Variants in SUSD1 observed in about 807,000 individuals in gnomAD.
SUSD1 encodes the protein sushi domain-containing protein 1.
Under a neutral mutation model 86.9 loss-of-function variants are expected in SUSD1, and 65 were observed. The ratio of observed to expected loss-of-function variants is 0.75; its 90% CI spans 0.61 to 0.92. The LOEUF (loss-of-function observed/expected upper bound fraction) is 0.92, where lower values mean the gene tolerates loss of function less well. SUSD1 is among the 40% of genes least tolerant of loss of function. SUSD1 has a pLI of 0.00. For synonymous variants in SUSD1, 346 were observed against 350.0 expected, an observed-to-expected ratio of 0.99 and a Z score of 0.13; for missense variants, 850 against 929.7, an observed-to-expected ratio of 0.91 and a Z score of 1.11.
chr9:112,173,769 C>T (rs150440533), intron 1 of SUSD1: 9 of 334,622 alleles, frequency 2.7e-5, no homozygotes, highest in East Asian at 7.5e-5. Context: ...GGCCTCAGCA[C>T]GTGCACTCAT....
intron 8 of SUSD1, among the ~76,000 whole-genome samples, chr9:112,110,884 C>T (rs1279933392): frequency 2.0e-5 from 3 of 152,168 alleles, no homozygotes; most frequent in Non-Finnish European, 2.9e-5. Flanking sequence ...CTAGGGGTGC[C>T]CCTGCTTCCA....
chr9:112,126,965 A>C (rs1227093544), intron 5 of SUSD1, among the ~76,000 whole-genome samples: 3 of 152,204 alleles, frequency 2.0e-5, no homozygotes, highest in Non-Finnish European at 2.9e-5. Flanking sequence ...CCCACTGTAC[A>C]GGCAAAGACT....
chr9:112,048,493 A>T (rs547102812), intron 15 of SUSD1, among the ~76,000 whole-genome samples: 2 of 152,254 alleles, frequency 1.3e-5, no homozygotes, highest in African/African-American at 4.8e-5. Flanking sequence ...TAAGTATTGC[A>T]CCTCCTATGC....
chr9:112,163,448 T>C (rs1026031911), intron 1 of SUSD1, among the ~76,000 whole-genome samples: 1 of 151,084 alleles, frequency 6.6e-6, no homozygotes, highest in Non-Finnish European at 1.5e-5. Flanking sequence ...CTGATCAACA[T>C]AGCAAGACCT....
At position 112,096,499 on chromosome 9, in the gene SUSD1, C is replaced by CT. The variant is rs370423918; in HGVS notation, c.1474+1970dup. Among the ~76,000 whole-genome samples the CT allele has an allele frequency of 6.1e-3, 931 of 152,242 alleles. 11 individuals are homozygous for CT. The highest frequency in any genetic ancestry group is 0.022 in the African/African-American group (898 of 41,530). On this transcript the variant is annotated intron_variant, in intron 10 of 16. Transcript: ENST00000374270. The stretch of plus-strand genomic sequence containing the variant: ...ATAGAAAAAACTGGGGACTTCATGC[C>CT]TTTACATTTTAGTTTATTTTACAAG...
chr9:112,118,508 G>A (rs186337269), intron 6 of SUSD1, among the ~76,000 whole-genome samples: 4 of 152,140 alleles, frequency 2.6e-5, no homozygotes, highest in Non-Finnish European at 2.9e-5. Context: ...TTTTGGAGAC[G>A]GAGTCTTGCG....
chr9:112,156,924 G>A (rs1380669795), intron 2 of SUSD1, among the ~76,000 whole-genome samples: 1 of 152,152 alleles, frequency 6.6e-6, no homozygotes, highest in African/African-American at 2.4e-5. Flanking sequence ...CCTGGATATT[G>A]TCTGACTGTC....
chr9:112,068,163 G>A (rs980211795), intron 12 of SUSD1, among the ~76,000 whole-genome samples: 7 of 152,152 alleles, frequency 4.6e-5, no homozygotes, highest in Non-Finnish European at 8.8e-5. Flanking sequence ...CCAGAGCTGT[G>A]ATGGAGTTAT....
intron 8 of SUSD1, among the ~76,000 whole-genome samples, chr9:112,110,625 C>T (rs1334646154): frequency 6.6e-6 from 1 of 151,474 alleles, no homozygotes; most frequent in African/African-American, 2.4e-5. Context: ...AAACTCCTGG[C>T]CTCAAGCAAT....
intron 10 of SUSD1, among the ~76,000 whole-genome samples, chr9:112,089,811 C>CAAAA (rs3983407): frequency 7.8e-5 from 9 of 115,932 alleles, no homozygotes; most frequent in Non-Finnish European, 1.3e-4. Context: ...GATTCCATCT[C>CAAAA]AAAAAAAAAA....
At chr9:112,150,654 G>A (rs1833006804) in intron 2 of SUSD1, among the ~76,000 whole-genome samples, 1 of 152,140 alleles carries the variant, frequency 6.6e-6, no homozygotes. Context: ...TACACACTTA[G>A]GTTATATGGT....
chr9:112,084,260 G>T (rs1481371300), intron 10 of SUSD1, among the ~76,000 whole-genome samples: 1 of 152,082 alleles, frequency 6.6e-6, no homozygotes, highest in Non-Finnish European at 1.5e-5. Context: ...ACCTTCTATA[G>T]ATAATAAGTT....
chr9:112,068,999 A>G (rs1829123454), intron 12 of SUSD1, among the ~76,000 whole-genome samples: 1 of 152,246 alleles, frequency 6.6e-6, no homozygotes, highest in South Asian at 2.1e-4. Flanking sequence ...GTTGAAGTGT[A>G]TAAGGAATCC....
intron 12 of SUSD1, among the ~76,000 whole-genome samples, chr9:112,064,655 C>T (rs1042497606): frequency 6.6e-6 from 1 of 151,428 alleles, no homozygotes; most frequent in Non-Finnish European, 1.5e-5. Flanking sequence ...GCAGGCGGAT[C>T]ACCGGAGGCC....
chr9:112,084,345 G>C (rs1417387115), intron 10 of SUSD1, among the ~76,000 whole-genome samples: 3 of 151,872 alleles, frequency 2.0e-5, no homozygotes, highest in African/African-American at 7.3e-5. Context: ...TACATGAATT[G>C]GTATGGAAGT....
rs11354546 is a variant in SUSD1 at position 112,161,820 on chromosome 9, C to CAA, written c.104-4209_104-4208dup. 3.9e-4 allele frequency among the ~76,000 whole-genome samples: 47 copies of CAA among 119,562 alleles called. 1 individual carries two copies. The highest frequency in any genetic ancestry group is 1.3e-3 in the African/African-American group (43 of 32,690). 78.4% of individuals were successfully genotyped at this position (119,562 alleles called of 152,430 possible). A position where few individuals can be genotyped will look rare whatever the true frequency, so the allele number is the denominator to read the frequency against. On this transcript the variant is annotated intron_variant, in intron 1 of 16. Transcript: ENST00000374270. ...CTGCGTGACAGAGCAAGACTCCATC[C>CAA]AAAAAAAAAAAAAAAAAAATGCAAT...
chr9:112,050,695 G>T (rs1402008147), intron 15 of SUSD1, among the ~76,000 whole-genome samples: 2 of 152,154 alleles, frequency 1.3e-5, no homozygotes, highest in African/African-American at 4.8e-5. Flanking sequence ...ACACGGAAAA[G>T]GTCCAGATTC....
chr9:112,096,486 G>A (rs1178526302), intron 10 of SUSD1, among the ~76,000 whole-genome samples: 2 of 152,104 alleles, frequency 1.3e-5, no homozygotes, highest in Non-Finnish European at 2.9e-5. Context: ...AGAAAAAACT[G>A]GGGACTTCAT....
rs760395542 is a variant in SUSD1 at position 112,143,573 on chromosome 9, C to T, written c.424G>A (p.Val142Met). 1.3e-4 allele frequency: 212 copies of T among 1,613,852 alleles called. No homozygotes were observed. Among genetic ancestry groups the T allele is most frequent in the Admixed American group, 6.5e-4 (39 of 59,980 alleles). Residue 142 changes from valine (V) to methionine (M), a missense_variant, in exon 4 of 17, where the codon GTG (valine) becomes ATG (methionine). Coordinates refer to ENST00000374270, the MANE Select transcript of SUSD1 (RefSeq NM_022486.5). ...CATTCAAAGCTCCCATGAGTGTTCACGCATCGCCCTCCATGCCTGCACAGG... is the reference window on the plus strand; with the variant it reads ...CATTCAAAGCTCCCATGAGTGTTCATGCATCGCCCTCCATGCCTGCACAGG... ...SGLCRHGGRC[V>M]NTHGSFECYC...
Sources: gnomAD v4.1 joint callset for allele counts (sites outside exome capture counted in the v4.1 genomes callset) on GRCh38, gnomAD v4.1.1 for gene constraint, MANE v1.5 for transcripts, NCBI Gene and HGNC (gene_info 2026-07-23, HGNC 2026-07-21) for gene names.